FAM3C: variants seen among roughly 807,000 people sequenced by gnomAD.
The protein encoded by FAM3C is FAM3 metabolism regulating signaling molecule C.
FAM3C carries 15 observed loss-of-function variants against 32.5 expected under a neutral mutation model. The observed-to-expected ratio is 0.46, with a 90% CI of 0.31 to 0.71. FAM3C has a LOEUF of 0.71. Ranked by LOEUF, FAM3C falls within the 30% of genes least tolerant of loss-of-function variation. The pLI is 0.05. For synonymous variants in FAM3C, 75 were observed against 86.1 expected (o/e 0.87, Z 0.72); for missense variants, 175 against 274.4 (o/e 0.64, Z 2.56).
intron 5 of FAM3C, among the ~76,000 whole-genome samples, chr7:121,367,518 T>C (rs1794046922): frequency 6.6e-6 from 1 of 152,108 alleles, no homozygotes; most frequent in African/African-American, 2.4e-5. Flanking sequence ...ATTGATCCCT[T>C]GTTAAAAAAA....
At position 121,379,034 on chromosome 7, in the gene FAM3C, CA is replaced by C. The variant is rs1044739712; in HGVS notation, c.14-21del. On this transcript the variant is annotated intron_variant, in intron 2 of 9. Coordinates refer to ENST00000359943, the MANE Select transcript of FAM3C (RefSeq NM_014888.3). ...CAGCACCTAAAAGGCAGAAGTATTT[CA>C]GCATAACTTTGTAAGCCCACAGAAC... 7.4e-7 allele frequency: 1 copy of C among 1,357,268 alleles called. No individual in the cohort carries two copies. Among genetic ancestry groups the C allele is most frequent in the African/African-American group, 1.5e-5 (1 of 67,468 alleles). 84.1% of individuals were successfully genotyped at this position (1,357,268 alleles called of 1,614,324 possible).
chr7:121,383,778 A>G (rs1169108892), intron 1 of FAM3C, among the ~76,000 whole-genome samples: 2 of 152,188 alleles, frequency 1.3e-5, no homozygotes, highest in Non-Finnish European at 2.9e-5. Context: ...TGAAAAGAAA[A>G]TGAAAAAATA....
chr7:121,387,799 A>G (rs1191926376), intron 1 of FAM3C, among the ~76,000 whole-genome samples: 2 of 152,148 alleles, frequency 1.3e-5, no homozygotes, highest in Non-Finnish European at 2.9e-5. Context: ...TTTTTATGAT[A>G]GGTTTAAAAA....
At chr7:121,350,801 C>T (rs1339947272) in intron 9 of FAM3C, among the ~76,000 whole-genome samples, 1 of 152,164 alleles carries the variant, frequency 6.6e-6, no homozygotes, top group Non-Finnish European at 1.5e-5. Flanking sequence ...CTAACATTTA[C>T]ATTCTACTAA....
At chr7:121,387,836 G>A (rs78042336) in intron 1 of FAM3C, among the ~76,000 whole-genome samples, 5,337 of 152,088 alleles carry the variant, frequency 0.035, 187 homozygotes, top group South Asian at 0.14. Context: ...TGCATCTAAT[G>A]CTTAACAAAC....
At chr7:121,358,400 G>GT (rs1230819397) in intron 8 of FAM3C, among the ~76,000 whole-genome samples, 4 of 152,054 alleles carry the variant, frequency 2.6e-5, no homozygotes, top group Admixed American at 1.3e-4. Flanking sequence ...TATAAAGGAT[G>GT]TTTTTTATCC....
Position 121,372,182 on chromosome 7 carries a change from T to C in FAM3C, c.119-43A>G, listed in dbSNP as rs529572397. ...CTTTTGTTAGAAGGAATGAGTCTAT[T>C]GGCAAGTATCCACTTTTAAAATATA... On this transcript the variant is annotated intron_variant, in intron 3 of 9. Coordinates refer to ENST00000359943, the MANE Select transcript of FAM3C (RefSeq NM_014888.3). 4.1e-5 allele frequency: 57 copies of C among 1,395,786 alleles called. 1 individual carries two copies. The South Asian group carries it at 6.7e-4, about 16-fold the overall frequency. The allele number at this position is 1,395,786 out of a possible 1,614,324, so 86.5% of individuals were successfully genotyped here.
chr7:121,358,144 A>G (rs997984054), intron 8 of FAM3C, among the ~76,000 whole-genome samples: 2 of 152,172 alleles, frequency 1.3e-5, no homozygotes, highest in Non-Finnish European at 2.9e-5. Context: ...TATGGATTTA[A>G]TATATTCTTA....
intron 8 of FAM3C, among the ~76,000 whole-genome samples, chr7:121,359,817 T>C (rs1230772157): frequency 6.6e-6 from 1 of 151,968 alleles, no homozygotes; most frequent in Admixed American, 6.5e-5. Context: ...CATAAAAGTA[T>C]AAAAAATGTT....
chr7:121,359,985 T>C (rs933685908), intron 8 of FAM3C, 58 bp downstream of exon 8: 50 of 898,282 alleles, frequency 5.6e-5, no homozygotes, highest in Non-Finnish European at 8.6e-5. Flanking sequence ...TTAATGAAAA[T>C]GTATTGCTTT....
At chr7:121,350,655 A>G (rs1055185079) in intron 9 of FAM3C, 105 bp from the exon 10 acceptor site, 15 of 1,181,644 alleles carry the variant, frequency 1.3e-5, no homozygotes, top group South Asian at 9.6e-5. Context: ...CATGTCAACA[A>G]TAAGTTCATT....
At chr7:121,378,857 A>C (rs1268511668) in intron 3 of FAM3C, 53 bp downstream of exon 3, 2 of 928,756 alleles carry the variant, frequency 2.2e-6, no homozygotes, top group East Asian at 5.1e-5. Flanking sequence ...AACTGATAAA[A>C]CTTTAGGCCA....
intron 8 of FAM3C, among the ~76,000 whole-genome samples, chr7:121,353,487 C>T (rs1270611105): frequency 6.6e-6 from 1 of 152,196 alleles, no homozygotes; most frequent in African/African-American, 2.4e-5. Flanking sequence ...CTTAGAAAGG[C>T]CTACTAGCAA....
chr7:121,385,296 C>T (rs778507804), intron 1 of FAM3C, among the ~76,000 whole-genome samples: 39 of 152,274 alleles, frequency 2.6e-4, no homozygotes, highest in Middle Eastern at 3.4e-3. Context: ...TACATTTATA[C>T]ATTTGCTCCA....
chr7:121,378,905 C>A lies in FAM3C; in HGVS notation c.118+5G>T. The A allele has an allele frequency of 7.0e-7, 1 of 1,429,662 alleles. No individual in the cohort carries two copies. Among genetic ancestry groups the A allele is most frequent in the Non-Finnish European group, 9.6e-7 (1 of 1,040,276 alleles). The allele number at this position is 1,429,662 out of a possible 1,614,324, so 88.6% of individuals were successfully genotyped here. The stretch of plus-strand genomic sequence containing the variant: ...GATTTAAGAAAGGAAAAAAATAAAA[C>A]TTACCAAATAGATTTCCTAAACTTG... On this transcript the variant is annotated splice_donor_5th_base_variant and intron_variant, in intron 3 of 9. Coordinates refer to ENST00000359943, the MANE Select transcript of FAM3C (RefSeq NM_014888.3).
At chr7:121,357,137 G>C (rs1439470707) in intron 8 of FAM3C, among the ~76,000 whole-genome samples, 2 of 152,124 alleles carry the variant, frequency 1.3e-5, no homozygotes, top group Non-Finnish European at 2.9e-5. Context: ...ATGTGATGGA[G>C]ATCAGTCCTA....
At position 121,394,195 on chromosome 7, in the gene FAM3C, C is replaced by G. The variant is rs931845019; in HGVS notation, c.-42+1967G>C. Among the ~76,000 whole-genome samples, 2 of 152,114 alleles carry G rather than the reference C, an allele frequency of 1.3e-5. 1 individual carries two copies. The highest frequency in any genetic ancestry group is 4.8e-5 in the African/African-American group (2 of 41,416). On this transcript the variant is annotated intron_variant, in intron 1 of 9. Transcript: ENST00000359943. ...GTATAAAAATTTTTGAAAAATGAAT[C>G]GTTCAAAACCTAAAATATATGGTGG...
At chr7:121,350,758 C>T (rs1027847939) in intron 9 of FAM3C, among the ~76,000 whole-genome samples, 4 of 152,102 alleles carry the variant, frequency 2.6e-5, no homozygotes, top group East Asian at 1.9e-4. Flanking sequence ...ATACATTGCA[C>T]GTGCTTTTAA....
At chr7:121,393,056 G>A (rs1203319117) in intron 1 of FAM3C, among the ~76,000 whole-genome samples, 2 of 152,170 alleles carry the variant, frequency 1.3e-5, no homozygotes, top group Non-Finnish European at 2.9e-5. Flanking sequence ...AGGGAGAAGG[G>A]AATGAACAAC....
Sources: allele counts gnomAD v4.1 joint callset (sites outside exome capture counted in the v4.1 genomes callset), GRCh38; gene constraint gnomAD v4.1.1; transcripts MANE v1.5; gene names NCBI Gene and HGNC (gene_info 2026-07-23, HGNC 2026-07-21).